KDM2A: variants seen among roughly 807,000 people sequenced by gnomAD.
KDM2A encodes the protein lysine-specific demethylase 2A.
KDM2A carries 3 observed loss-of-function variants against 137.3 expected under a neutral mutation model. The ratio of observed to expected loss-of-function variants is 0.02; its 90% CI spans 0.01 to 0.06. The LOEUF is 0.06. Ranked by LOEUF, KDM2A falls within the 10% of genes least tolerant of loss-of-function variation. KDM2A has a pLI of 1.00. For synonymous variants in KDM2A, 512 were observed against 541.5 expected, an observed-to-expected ratio of 0.95 and a Z score of 0.76; for missense variants, 738 against 1,510.6, an observed-to-expected ratio of 0.49 and a Z score of 8.48.
At chr11:67,206,664 A>G (rs1005311133) in intron 5 of KDM2A, among the ~76,000 whole-genome samples, 1 of 150,352 alleles carries the variant, frequency 6.7e-6, no homozygotes, top group Non-Finnish European at 1.5e-5. Context: ...TGAACCCAGG[A>G]GGTGGGAGGT....
intron 15 of KDM2A, among the ~76,000 whole-genome samples, chr11:67,247,167 GCAACCTTTGTCTCTGGTGTT>G (rs1369876313): frequency 7.7e-6 from 1 of 129,910 alleles, no homozygotes; most frequent in East Asian, 2.5e-4. Context: ...TCGTCTCACT[GCAACCTTTGTCTCTGGTGTT>G]CAAGTGATTC....
At chr11:67,177,283 A>G (rs529666780) in intron 2 of KDM2A, among the ~76,000 whole-genome samples, 5 of 152,192 alleles carry the variant, frequency 3.3e-5, no homozygotes, top group African/African-American at 1.2e-4. Flanking sequence ...TATTACTACT[A>G]CTAGTAATAA....
chr11:67,215,507 A>G (rs771177716), intron 7 of KDM2A, 61 bp downstream of exon 7: 5 of 1,083,808 alleles, frequency 4.6e-6, no homozygotes, highest in Non-Finnish European at 7.1e-6. Flanking sequence ...AATAGCAAGG[A>G]TTGGCTTCTC....
chr11:67,236,352 A>T (rs1590815457), intron 12 of KDM2A, among the ~76,000 whole-genome samples: 1 of 152,000 alleles, frequency 6.6e-6, no homozygotes, highest in African/African-American at 2.4e-5. Context: ...GCTGGTCTTG[A>T]CTCCTGACCT....
At chr11:67,191,947 T>C (rs1375052112) in intron 5 of KDM2A, among the ~76,000 whole-genome samples, 1 of 152,224 alleles carries the variant, frequency 6.6e-6, no homozygotes, top group East Asian at 1.9e-4. Flanking sequence ...TATTTTTCTT[T>C]GGTTCCTTCT....
In KDM2A at chr11:67,210,917, G is replaced by T. The variant is rs117006524; in HGVS notation, c.486+3229G>T. On this transcript the variant is annotated intron_variant, in intron 6 of 20. Transcript: ENST00000529006. Reference sequence around the variant, plus strand: ...AGCACTTCAGGAGGCCAAGGTGGGCGTATCACTTGAGCCCAAGAGTTCGAG... The same window carrying T: ...AGCACTTCAGGAGGCCAAGGTGGGCTTATCACTTGAGCCCAAGAGTTCGAG... Among the ~76,000 whole-genome samples, 1,099 of 152,102 alleles carry T rather than the reference G, an allele frequency of 7.2e-3. 6 individuals are homozygous for T. Among genetic ancestry groups the T allele is most frequent in the Admixed American group, 0.01 (155 of 15,280 alleles).
At chr11:67,248,144 G>C in intron 15 of KDM2A, 137 bp from the exon 16 acceptor site, 1 of 652,776 alleles carries the variant, frequency 1.5e-6, no homozygotes, top group Non-Finnish European at 2.7e-6. Flanking sequence ...TGGCTATTTG[G>C]GGCTGGATTG....
At chr11:67,226,718 T>C (rs1309676828) in intron 10 of KDM2A, among the ~76,000 whole-genome samples, 1 of 152,154 alleles carries the variant, frequency 6.6e-6, no homozygotes, top group Non-Finnish European at 1.5e-5. Context: ...CAAGACTCCG[T>C]CTCAAAAAAC....
At chr11:67,134,579 A>T (rs1855930548) in intron 2 of KDM2A, among the ~76,000 whole-genome samples, 1 of 152,058 alleles carries the variant, frequency 6.6e-6, no homozygotes, top group Non-Finnish European at 1.5e-5. Context: ...ATCTCGGCTC[A>T]CTTAAACCTC....
chr11:67,119,394 C>G lies in KDM2A; in HGVS notation c.-739C>G, dbSNP rs970619312. ...TCGGAGCACCTTCCCAGCGGCTGGG[C>G]CCGTGGCCGCTCTGTCTTTCCTGGG... On this transcript the variant is annotated 5_prime_UTR_variant, in exon 1 of 21. Transcript: ENST00000529006. 8 of 162,088 alleles carry G rather than the reference C, an allele frequency of 4.9e-5. No individual in the cohort carries two copies. The highest frequency in any genetic ancestry group is 1.6e-4 in the South Asian group (1 of 6,218). The allele number at this position is 162,088 out of a possible 1,614,324, so 10.0% of individuals were successfully genotyped here.
chr11:67,178,574 T>C (rs971794594), intron 2 of KDM2A, among the ~76,000 whole-genome samples: 2 of 152,218 alleles, frequency 1.3e-5, no homozygotes, highest in Non-Finnish European at 1.5e-5. Context: ...CTGGCAACTA[T>C]GAATCTAGTT....
chr11:67,191,932 A>G (rs536474528), intron 5 of KDM2A, among the ~76,000 whole-genome samples: 8 of 152,314 alleles, frequency 5.3e-5, no homozygotes, highest in Admixed American at 3.9e-4. Context: ...TTTATTTGTT[A>G]TTAGTATTTT....
At position 67,195,079 on chromosome 11, in the gene KDM2A, A is replaced by G. The variant is rs1857444554; in HGVS notation, c.308-12431A>G. ...TGGACCTAGACAGAGGCAATAACCTAAAGACATTTGCAGCTCATTTCTTGT... is the reference window on the plus strand; with the variant it reads ...TGGACCTAGACAGAGGCAATAACCTGAAGACATTTGCAGCTCATTTCTTGT... On this transcript the variant is annotated intron_variant, in intron 5 of 20. Transcript: ENST00000529006. Among the ~76,000 whole-genome samples, 3 of 152,294 alleles carry G rather than the reference A, an allele frequency of 2.0e-5. No homozygotes were observed. The South Asian group carries it at 6.2e-4, about 32-fold the overall frequency.
chr11:67,223,075 C>A (rs1439499145), intron 10 of KDM2A, among the ~76,000 whole-genome samples: 1 of 151,676 alleles, frequency 6.6e-6, no homozygotes, highest in Admixed American at 6.6e-5. Flanking sequence ...GCCTGTAATC[C>A]CAGCTACTCA....
intron 2 of KDM2A, 85 bp downstream of exon 2, chr11:67,121,443 T>C: frequency 2.2e-6 from 3 of 1,371,736 alleles, no homozygotes; most frequent in Non-Finnish European, 3.1e-6. Flanking sequence ...ACTGTGAATC[T>C]GTGATTAAAA....
At chr11:67,181,984 A>C (rs1857101072) in intron 5 of KDM2A, 92 bp downstream of exon 5, 1 of 1,024,054 alleles carries the variant, frequency 9.8e-7, no homozygotes, top group Non-Finnish European at 1.5e-6. Context: ...AGGCCTAGGA[A>C]CATTGAAGTA....
Position 67,224,855 on chromosome 11 carries a change from T to G in KDM2A, c.958-3182T>G, listed in dbSNP as rs533922740. ...TTTTTTTTTTTTTTTTTTTTTTTTTTTTGGAGACAGAGTTTCGCTGCTGTT... is the reference window on the plus strand; with the variant it reads ...TTTTTTTTTTTTTTTTTTTTTTTTTGTTGGAGACAGAGTTTCGCTGCTGTT... On this transcript the variant is annotated intron_variant, in intron 10 of 20. Transcript: ENST00000529006. Among the ~76,000 whole-genome samples the G allele has an allele frequency of 3.6e-4, 51 of 142,800 alleles. No individual in the cohort carries two copies. The East Asian group carries it at 0.01, about 29-fold the overall frequency. 93.7% of individuals were successfully genotyped at this position (142,800 alleles called of 152,430 possible).
chr11:67,200,227 T>A (rs2136366754), intron 5 of KDM2A, among the ~76,000 whole-genome samples: 1 of 152,208 alleles, frequency 6.6e-6, no homozygotes, highest in Middle Eastern at 3.4e-3. Context: ...GTTTTTTTTT[T>A]TCTTTTTAGA....
At chr11:67,127,115 G>A (rs1408456349) in intron 2 of KDM2A, among the ~76,000 whole-genome samples, 1 of 151,830 alleles carries the variant, frequency 6.6e-6, no homozygotes, top group Non-Finnish European at 1.5e-5. Context: ...TTTTCTTTTT[G>A]GAGACAGGGT....
Sources: allele counts gnomAD v4.1 joint callset (sites outside exome capture counted in the v4.1 genomes callset), GRCh38; gene constraint gnomAD v4.1.1; transcripts MANE v1.5; gene names NCBI Gene and HGNC (gene_info 2026-07-23, HGNC 2026-07-21).